The following DHX57 variants were observed in gnomAD, a reference collection of about 807,000 sequenced individuals.
DHX57 encodes putative ATP-dependent RNA helicase DHX57.
Under a neutral mutation model 156.2 loss-of-function variants are expected in DHX57, and 105 were observed. The observed-to-expected ratio is 0.67, with a 90% CI of 0.57 to 0.79. The LOEUF (loss-of-function observed/expected upper bound fraction) is 0.79, where lower values mean the gene tolerates loss of function less well. Among genes scored for constraint, DHX57 ranks in the 30% least tolerant of loss-of-function variants. The pLI is 0.00. For synonymous variants in DHX57, 704 were observed against 595.6 expected (o/e 1.18, Z -2.65); for missense variants, 1,847 against 1,661.9 (o/e 1.11, Z -1.94).
chr2:38,824,013 CAA>C (rs71402254), intron 16 of DHX57, among the ~76,000 whole-genome samples: 2 of 141,148 alleles, frequency 1.4e-5, no homozygotes, highest in Non-Finnish European at 3.1e-5. Context: ...TCTGTTTCCA[CAA>C]AAAAAAAAAA....
At chr2:38,800,129 GAGCCGAGATGGCACCATGGCACT>G (rs1558347562) in intron 23 of DHX57, among the ~76,000 whole-genome samples, 16 of 150,386 alleles carry the variant, frequency 1.1e-4, no homozygotes, top group Non-Finnish European at 1.2e-4. Context: ...AGGCTGTGGT[GAGCCGAGATGGCACCATGGCACT>G]TCAGCCTGGG....
At chr2:38,849,766 T>C (rs1391901994) in intron 9 of DHX57, among the ~76,000 whole-genome samples, 1 of 152,188 alleles carries the variant, frequency 6.6e-6, no homozygotes, top group East Asian at 1.9e-4. Context: ...ATGTTATTAA[T>C]CTGCCTGGAT....
chr2:38,823,707 T>C (rs749589405), intron 16 of DHX57, among the ~76,000 whole-genome samples: 5 of 152,142 alleles, frequency 3.3e-5, no homozygotes, highest in African/African-American at 1.2e-4. Context: ...TCCAAAAGAA[T>C]TGAAGTCAGA....
At chr2:38,864,091 A>C (rs1664919029) in intron 2 of DHX57, among the ~76,000 whole-genome samples, 1 of 152,134 alleles carries the variant, frequency 6.6e-6, no homozygotes, top group African/African-American at 2.4e-5. Flanking sequence ...CTTAGGAAAA[A>C]GCAATGCTAA....
Position 38,861,279 on chromosome 2 carries a change from G to A in DHX57, c.1131C>T (p.Thr377=). The A allele has an allele frequency of 4.3e-6, 7 of 1,614,112 alleles. No homozygotes were observed. The highest frequency in any genetic ancestry group is 2.2e-5 in the East Asian group (1 of 44,882). The stretch of plus-strand genomic sequence containing the variant: ...GACAAGCCAGAGGTAGGTTCTCATT[G>A]GTGGAATAAAATGCCACGAGCGGAG... ...YQAPLVAFYS[T]NENLPLACRL... The change falls in exon 5 of 24, where the codon ACC becomes ACT. Residue 377 remains threonine (T), a synonymous_variant. Coordinates refer to ENST00000457308, the MANE Select transcript of DHX57 (RefSeq NM_198963.3).
intron 23 of DHX57, among the ~76,000 whole-genome samples, chr2:38,801,576 AT>A (rs1005423691): frequency 3.6e-4 from 52 of 143,476 alleles, no homozygotes; most frequent in African/African-American, 6.7e-4. Flanking sequence ...CGCCCAGCTA[AT>A]TTTTTTTTTT....
intron 17 of DHX57, among the ~76,000 whole-genome samples, chr2:38,819,581 G>C (rs1328376100): frequency 1.3e-5 from 2 of 152,210 alleles, no homozygotes; most frequent in Non-Finnish European, 2.9e-5. Context: ...CAGTGGGTCA[G>C]CTAATGAAAG....
intron 21 of DHX57, chr2:38,811,432 G>T (rs1427318659): frequency 8.3e-6 from 5 of 602,062 alleles, no homozygotes; most frequent in South Asian, 1.5e-5. Context: ...CCTCATACAG[G>T]CCAGATGAAC....
In DHX57 at chr2:38,815,646, T is replaced by G; in HGVS notation, c.3481A>C (p.Ser1161Arg). 6.2e-7 allele frequency: 1 copy of G among 1,614,140 alleles called. No homozygotes were observed. The highest frequency in any genetic ancestry group is 8.5e-7 in the Non-Finnish European group (1 of 1,180,026). ...LSGRVLQEMASLKRQFTELLS... is the reference protein window; with the variant it reads ...LSGRVLQEMARLKRQFTELLS... ...AGTTCCGTGAATTGTCGTTTGAGGC[T>G]GGCCATTTCCTGAAAGAAGTGGAAA... The change falls in exon 20 of 24, where the codon AGC (serine) becomes CGC (arginine). Residue 1161 changes from serine to arginine, a missense_variant. Transcript: ENST00000457308.
At position 38,815,599 on chromosome 2, in the gene DHX57, T is replaced by G. The variant is rs773445504; in HGVS notation, c.3528A>C (p.Ala1176=). Residue 1176 remains alanine, a synonymous_variant, in exon 20 of 24, where the codon GCA becomes GCC. Coordinates refer to ENST00000457308, the MANE Select transcript of DHX57 (RefSeq NM_198963.3). ...TTTCCCTTGCTCTGAGCCCTTCCCT[T>G]GCAAACCCTATATCCGATAACAGTT... ...FTELLSDIGF[A]REGLRAREIE... is the part of the protein sequence containing the mutation. 2 of 1,613,998 alleles carry G rather than the reference T, an allele frequency of 1.2e-6. No individual in the cohort carries two copies. The highest frequency in any genetic ancestry group is 2.2e-5 in the South Asian group (2 of 91,088).
chr2:38,819,918 C>T (rs149233424), intron 17 of DHX57, among the ~76,000 whole-genome samples: 4 of 152,176 alleles, frequency 2.6e-5, no homozygotes, highest in Non-Finnish European at 5.9e-5. Context: ...CTTTTCCCTA[C>T]AAATGTGTAA....
chr2:38,874,945 G>C (rs1222621960), intron 1 of DHX57, among the ~76,000 whole-genome samples: 1 of 152,126 alleles, frequency 6.6e-6, no homozygotes, highest in Non-Finnish European at 1.5e-5. Context: ...AGTTAGATTA[G>C]AACTTCATCT....
chr2:38,845,239 A>T (rs1371509935), intron 11 of DHX57, among the ~76,000 whole-genome samples: 2 of 152,018 alleles, frequency 1.3e-5, no homozygotes, highest in African/African-American at 4.8e-5. Flanking sequence ...ATATATATAT[A>T]TTCTGGAAGC....
chr2:38,799,953 C>T (rs1488647564), intron 23 of DHX57, among the ~76,000 whole-genome samples: 1 of 151,822 alleles, frequency 6.6e-6, no homozygotes, highest in Admixed American at 6.6e-5. Flanking sequence ...TTTGGGAGGC[C>T]AAGGCGGGCA....
intron 13 of DHX57, among the ~76,000 whole-genome samples, chr2:38,833,225 C>G (rs1237752724): frequency 6.6e-6 from 1 of 152,030 alleles, no homozygotes; most frequent in Admixed American, 6.6e-5. Context: ...TCACTGCAAC[C>G]TCCGCCTCCT....
chr2:38,800,355 A>G (rs1369706732), intron 23 of DHX57, among the ~76,000 whole-genome samples: 2 of 149,764 alleles, frequency 1.3e-5, no homozygotes, highest in Admixed American at 1.3e-4. Context: ...CTCCACCTCA[A>G]AAAAAAAAAT....
At chr2:38,855,319 A>G (rs1380644761) in intron 7 of DHX57, 67 bp from the exon 8 acceptor site, 16 of 1,484,468 alleles carry the variant, frequency 1.1e-5, no homozygotes, top group Non-Finnish European at 1.4e-5. Flanking sequence ...AGAAGCAATC[A>G]TATGGAATGA....
chr2:38,827,505 A>AAAAATAT (rs1553326974), intron 14 of DHX57, among the ~76,000 whole-genome samples: 1 of 10,142 alleles, frequency 9.9e-5, no homozygotes, highest in African/African-American at 1.4e-4. Flanking sequence ...AAAAAAAAAA[A>AAAAATAT]ATATATATAT....
chr2:38,861,515 C>G lies in DHX57; in HGVS notation c.895G>C (p.Glu299Gln). 1.2e-6 allele frequency: 2 copies of G among 1,614,092 alleles called. No homozygotes were observed. Among genetic ancestry groups the G allele is most frequent in the Non-Finnish European group, 1.7e-6 (2 of 1,180,014 alleles). Residue 299 changes from glutamate to glutamine, a missense_variant, in exon 5 of 24, where the codon GAG becomes CAG. Coordinates refer to ENST00000457308, the MANE Select transcript of DHX57 (RefSeq NM_198963.3). ...AATTTACAGATTTCAAGTGAATTCTCTTGTACATTTTTGGTACTTTCTTTT... is the reference window on the plus strand; with the variant it reads ...AATTTACAGATTTCAAGTGAATTCTGTTGTACATTTTTGGTACTTTCTTTT... ...KPKESTKNVQ[E>Q]NSLEICKFYL...
Sources: allele counts gnomAD v4.1 joint callset (sites outside exome capture counted in the v4.1 genomes callset), GRCh38; gene constraint gnomAD v4.1.1; transcripts MANE v1.5; gene names NCBI Gene and HGNC (gene_info 2026-07-23, HGNC 2026-07-21).